The following CCDC90B variants were observed in gnomAD, a reference collection of about 807,000 sequenced individuals.
CCDC90B encodes coiled-coil domain containing 90B, also known as coiled-coil domain-containing protein 90B, mitochondrial.
A neutral mutation model predicts 37.0 loss-of-function variants in CCDC90B; 24 were observed. The ratio of observed to expected loss-of-function variants is 0.65; its 90% CI spans 0.47 to 0.91. The LOEUF is 0.91. Among genes scored for constraint, CCDC90B ranks in the 40% least tolerant of loss-of-function variants. CCDC90B has a pLI of 0.00. For synonymous variants in CCDC90B, 113 were observed against 101.1 expected (o/e 1.12, Z -0.71); for missense variants, 319 against 299.0 (o/e 1.07, Z -0.49).
chr11:83,286,276 T>G lies in CCDC90B; in HGVS notation c.-304A>C. The G allele has an allele frequency of 7.7e-7, 1 of 1,296,922 alleles. No homozygotes were observed. The highest frequency in any genetic ancestry group is 1.1e-6 in the Non-Finnish European group (1 of 944,328). The allele number at this position is 1,296,922 out of a possible 1,614,324, so 80.3% of individuals were successfully genotyped here. A position where few individuals can be genotyped will look rare whatever the true frequency, so the allele number is the denominator to read the frequency against. On this transcript the variant is annotated 5_prime_UTR_variant, in exon 1 of 9. Transcript: ENST00000529689. The stretch of plus-strand genomic sequence containing the variant: ...TGTCAGAGAACCTTCCGGCGCCTGT[T>G]TCCTGGCAGTGGGGCATAGTCCAAC...
rs763807106 is a variant in CCDC90B at position 83,286,010 on chromosome 11, G to A, written c.-38C>T. 1.8e-5 allele frequency: 29 copies of A among 1,581,662 alleles called. No homozygotes were observed. Among genetic ancestry groups the A allele is most frequent in the Non-Finnish European group, 2.2e-5 (26 of 1,164,152 alleles). ...TTCCGGTGGGAGGGAGGCGGAAGAC[G>A]GGGTAAATCTCGCACAGGCTTTCGG... On this transcript the variant is annotated 5_prime_UTR_variant, in exon 1 of 9. Coordinates refer to ENST00000529689, the MANE Select transcript of CCDC90B (RefSeq NM_021825.5).
chr11:83,262,134 G>A (rs980720883), intron 8 of CCDC90B, among the ~76,000 whole-genome samples, 168 bp from the exon 9 acceptor site: 2 of 152,078 alleles, frequency 1.3e-5, no homozygotes, highest in Non-Finnish European at 2.9e-5. Context: ...ACATTCTTAA[G>A]GGCAGCCTTA....
At chr11:83,278,877 T>C in intron 2 of CCDC90B, 48 bp from the exon 3 acceptor site, 1 of 1,050,154 alleles carries the variant, frequency 9.5e-7, no homozygotes. Flanking sequence ...TGTATATCCT[T>C]ATCAAAATAG....
At chr11:83,264,731 G>A (rs1864144323) in intron 8 of CCDC90B, among the ~76,000 whole-genome samples, 1 of 151,932 alleles carries the variant, frequency 6.6e-6, no homozygotes, top group East Asian at 1.9e-4. Context: ...ATGATAGACT[G>A]GATTAAGAAA....
chr11:83,264,034 A>G (rs766336355), intron 8 of CCDC90B, among the ~76,000 whole-genome samples: 5 of 152,180 alleles, frequency 3.3e-5, no homozygotes, highest in Admixed American at 1.3e-4. Context: ...TTTTGACCCC[A>G]AATTTTAAAT....
In CCDC90B at chr11:83,280,193, T is replaced by C. The variant is rs754239235; in HGVS notation, c.168A>G (p.Gln56=). 1 of 1,613,364 alleles carries C rather than the reference T, an allele frequency of 6.2e-7. No homozygotes were observed. The highest frequency in any genetic ancestry group is 8.5e-7 in the Non-Finnish European group (1 of 1,179,808). Residue 56 remains glutamine (Q), a synonymous_variant, in exon 2 of 9, where the codon CAA becomes CAG. Transcript: ENST00000529689. ...RRPVDITPLE[Q]RKLTFDTHAL... ...CATGGGTATCAAAAGTTAATTTCCT[T>C]TGTTCTAAAGGAGTTATATCCACTG...
intron 7 of CCDC90B, among the ~76,000 whole-genome samples, chr11:83,270,359 T>G (rs899671095): frequency 6.6e-6 from 1 of 152,166 alleles, no homozygotes; most frequent in African/African-American, 2.4e-5. Context: ...GGAAGTCAAA[T>G]TGTCCCTGTT....
intron 7 of CCDC90B, among the ~76,000 whole-genome samples, chr11:83,270,055 A>G (rs1171776311): frequency 6.6e-6 from 1 of 152,204 alleles, no homozygotes; most frequent in African/African-American, 2.4e-5. Context: ...AGACAAAACC[A>G]CATGATTATC....
intron 7 of CCDC90B, 150 bp downstream of exon 7, chr11:83,273,497 A>T: frequency 2.0e-6 from 1 of 494,902 alleles, no homozygotes; most frequent in Non-Finnish European, 3.4e-6. Context: ...GGTTCCCCAA[A>T]AGTGCTGGTT....
intron 7 of CCDC90B, among the ~76,000 whole-genome samples, chr11:83,271,047 G>A (rs1328402183): frequency 6.6e-6 from 1 of 152,190 alleles, no homozygotes; most frequent in Non-Finnish European, 1.5e-5. Context: ...TTAATAAATG[G>A]TGCTGGGAAA....
rs1863834666 is a variant in CCDC90B at position 83,259,362 on chromosome 11, T to C, written c.*2549A>G. On this transcript the variant is annotated 3_prime_UTR_variant, in exon 9 of 9. Transcript: ENST00000529689. ...AAAATGAAGTTTCATGGAAAGGATATAGGATCTAAAAGTAATGGGGACAGG... is the reference window on the plus strand; with the variant it reads ...AAAATGAAGTTTCATGGAAAGGATACAGGATCTAAAAGTAATGGGGACAGG... The C allele has an allele frequency of 6.6e-6, 1 of 152,192 alleles. No homozygotes were observed. Among genetic ancestry groups the C allele is most frequent in the South Asian group, 2.1e-4 (1 of 4,832 alleles). 9.4% of individuals were successfully genotyped at this position (152,192 alleles called of 1,614,324 possible). A position where few individuals can be genotyped will look rare whatever the true frequency, so the allele number is the denominator to read the frequency against.
rs919689358 is a variant in CCDC90B, at chr11:83,260,429, C to G, written c.*1482G>C. ...AAATTAATCTATAATATACTAAGAA[C>G]TCTCTTAGGCAATAGAGATAAAAAT... On this transcript the variant is annotated 3_prime_UTR_variant, in exon 9 of 9. Transcript: ENST00000529689. 6.6e-6 allele frequency: 1 copy of G among 152,130 alleles called. No individual in the cohort carries two copies. The highest frequency in any genetic ancestry group is 2.4e-5 in the African/African-American group (1 of 41,434). 9.4% of individuals were successfully genotyped at this position (152,130 alleles called of 1,614,324 possible). A position where few individuals can be genotyped will look rare whatever the true frequency, so the allele number is the denominator to read the frequency against.
In CCDC90B at chr11:83,260,779, A is replaced by G. The variant is rs1487566941; in HGVS notation, c.*1132T>C. On this transcript the variant is annotated 3_prime_UTR_variant, in exon 9 of 9. Coordinates refer to ENST00000529689, the MANE Select transcript of CCDC90B (RefSeq NM_021825.5). ...TATTTTAAAATTTCTTTGAAATTAC[A>G]TATGATTTACTAATAGATATTACTT... is the stretch of plus-strand genomic sequence containing the variant. 1 of 152,240 alleles carries G rather than the reference A, an allele frequency of 6.6e-6. No individual in the cohort carries two copies. The highest frequency in any genetic ancestry group is 6.5e-5 in the Admixed American group (1 of 15,286). The allele number at this position is 152,240 out of a possible 1,614,324, so 9.4% of individuals were successfully genotyped here. A position where few individuals can be genotyped will look rare whatever the true frequency, so the allele number is the denominator to read the frequency against.
At chr11:83,280,050 C>T in intron 2 of CCDC90B, 91 bp downstream of exon 2, 10 of 1,280,796 alleles carry the variant, frequency 7.8e-6, no homozygotes, top group Non-Finnish European at 9.6e-6. Flanking sequence ...TATTTAGTTA[C>T]TTTTGATTGT....
Position 83,261,598 on chromosome 11 carries a change from C to G in CCDC90B, c.*313G>C, listed in dbSNP as rs1433344820. ...CCCACAAAATCCTGTATGATTTACA[C>G]AACTGTTCAAGCAAACATAAGAAAA... On this transcript the variant is annotated 3_prime_UTR_variant, in exon 9 of 9. Coordinates refer to ENST00000529689, the MANE Select transcript of CCDC90B (RefSeq NM_021825.5). The G allele has an allele frequency of 5.1e-6, 1 of 197,002 alleles. No individual in the cohort carries two copies. The highest frequency in any genetic ancestry group is 2.3e-5 in the African/African-American group (1 of 43,094). 12.2% of individuals were successfully genotyped at this position (197,002 alleles called of 1,614,324 possible).
At chr11:83,271,480 A>C (rs1027978235) in intron 7 of CCDC90B, among the ~76,000 whole-genome samples, 30 of 152,376 alleles carry the variant, frequency 2.0e-4, no homozygotes, top group Admixed American at 1.8e-3. Flanking sequence ...TTCTCAAAAG[A>C]AGACATCTAT....
At chr11:83,264,719 CAAT>C (rs1391275944) in intron 8 of CCDC90B, among the ~76,000 whole-genome samples, 1 of 151,748 alleles carries the variant, frequency 6.6e-6, no homozygotes, top group East Asian at 1.9e-4. Context: ...AAATGGCCAA[CAAT>C]GATAGACTGG....
chr11:83,261,994 G>A, intron 8 of CCDC90B, 28 bp from the exon 9 acceptor site: 1 of 1,484,234 alleles, frequency 6.7e-7, no homozygotes, highest in Non-Finnish European at 9.3e-7. Flanking sequence ...TGTGTTATAG[G>A]TCTTGTATCT....
chr11:83,280,880 T>C (rs900468834), intron 1 of CCDC90B, among the ~76,000 whole-genome samples: 2 of 152,254 alleles, frequency 1.3e-5, no homozygotes, highest in African/African-American at 2.4e-5. Context: ...TTACTGTTGA[T>C]TCAATCAATG....
Sources: gnomAD v4.1 joint callset for allele counts (sites outside exome capture counted in the v4.1 genomes callset) on GRCh38, gnomAD v4.1.1 for gene constraint, MANE v1.5 for transcripts, NCBI Gene and HGNC (gene_info 2026-07-23, HGNC 2026-07-21) for gene names.